The following TCERG1L variants were observed in gnomAD, a reference collection of about 807,000 sequenced individuals.
TCERG1L encodes transcription elongation regulator 1-like protein.
TCERG1L carries 37 observed loss-of-function variants against 56.3 expected under a neutral mutation model. That is an observed-to-expected ratio of 0.66 (90% CI 0.51 to 0.87). The LOEUF is 0.87. Ranked by LOEUF, TCERG1L falls within the 40% of genes least tolerant of loss-of-function variation. The pLI, the probability that TCERG1L is intolerant of heterozygous loss-of-function variation, is 0.00. For synonymous variants in TCERG1L, 324 were observed against 326.3 expected (o/e 0.99, Z 0.08); for missense variants, 799 against 774.2 (o/e 1.03, Z -0.38).
At chr10:131,289,812 G>A (rs1846591373) in intron 3 of TCERG1L, among the ~76,000 whole-genome samples, 1 of 49,944 alleles carries the variant, frequency 2.0e-5, no homozygotes, top group Admixed American at 2.3e-4. Flanking sequence ...GTGAGCAGGT[G>A]TGCACTGCCT....
At chr10:131,189,873 G>A (rs975584517) in intron 4 of TCERG1L, among the ~76,000 whole-genome samples, 4 of 151,804 alleles carry the variant, frequency 2.6e-5, no homozygotes, top group East Asian at 1.9e-4. Context: ...TAGCCACTCC[G>A]AAACAAGAAC....
chr10:131,097,613 C>T (rs933850569), intron 11 of TCERG1L, among the ~76,000 whole-genome samples: 1 of 152,218 alleles, frequency 6.6e-6, no homozygotes, highest in African/African-American at 2.4e-5. Flanking sequence ...TCCCAAAGTG[C>T]TGGGATTATA....
chr10:131,177,209 C>G (rs1262679703), intron 4 of TCERG1L, among the ~76,000 whole-genome samples: 1 of 152,176 alleles, frequency 6.6e-6, no homozygotes, highest in Non-Finnish European at 1.5e-5. Flanking sequence ...CATGCAGACA[C>G]AAGCACACAT....
rs1285879200 is a variant in TCERG1L, at chr10:131,192,288, A to G, written c.857-25403T>C. 4.8e-5 allele frequency among the ~76,000 whole-genome samples: 7 copies of G among 144,566 alleles called. 1 individual carries two copies. The highest frequency in any genetic ancestry group is 1.4e-4 in the Admixed American group (2 of 14,498). The allele number at this position is 144,566 out of a possible 152,430, so 94.8% of individuals were successfully genotyped here. On this transcript the variant is annotated intron_variant, in intron 4 of 11. Coordinates refer to ENST00000368642, the MANE Select transcript of TCERG1L (RefSeq NM_174937.4). ...CATGAAAAAATGCTTAACATAGTTA[A>G]TCATCAGACAACTGCAAATTAAAAC...
At chr10:131,239,887 A>C (rs1321001046) in intron 4 of TCERG1L, among the ~76,000 whole-genome samples, 1 of 152,190 alleles carries the variant, frequency 6.6e-6, no homozygotes, top group Admixed American at 6.5e-5. Flanking sequence ...GCCCCTAGAA[A>C]GGGTGCGGTG....
At chr10:131,131,245 C>T (rs1326968943) in intron 8 of TCERG1L, among the ~76,000 whole-genome samples, 1 of 152,092 alleles carries the variant, frequency 6.6e-6, no homozygotes, top group African/African-American at 2.4e-5. Flanking sequence ...CAGCAGAGAC[C>T]ACCACCCTGC....
At chr10:131,257,263 G>A (rs922715744) in intron 4 of TCERG1L, among the ~76,000 whole-genome samples, 1 of 152,088 alleles carries the variant, frequency 6.6e-6, no homozygotes, top group African/African-American at 2.4e-5. Context: ...TCCCCGTGAA[G>A]CAGAGGCCAA....
rs183268949 is a variant in TCERG1L, at chr10:131,218,551, T to C, written c.856+41708A>G. On this transcript the variant is annotated intron_variant, in intron 4 of 11. Coordinates refer to ENST00000368642, the MANE Select transcript of TCERG1L (RefSeq NM_174937.4). The stretch of plus-strand genomic sequence containing the variant: ...TCTTGTTGCCCAGGCTGGAGTGCAA[T>C]GGTGCGACCCTGGCTCACTGCAACC... Among the ~76,000 whole-genome samples, 150 of 152,284 alleles carry C rather than the reference T, an allele frequency of 9.9e-4. 2 individuals are homozygous for C. Among genetic ancestry groups the C allele is most frequent in the African/African-American group, 3.4e-3 (141 of 41,550 alleles).
intron 3 of TCERG1L, among the ~76,000 whole-genome samples, chr10:131,271,542 G>A (rs555586545): frequency 9.8e-5 from 15 of 152,374 alleles, no homozygotes; most frequent in South Asian, 6.2e-4. Flanking sequence ...CAAAAGGAGC[G>A]TGCTGGCGTC....
intron 9 of TCERG1L, among the ~76,000 whole-genome samples, chr10:131,107,161 C>T (rs561951750): frequency 1.1e-4 from 17 of 152,132 alleles, no homozygotes; most frequent in African/African-American, 1.4e-4. Context: ...CATCTGGGGC[C>T]GTTAGAGAAG....
intron 6 of TCERG1L, among the ~76,000 whole-genome samples, chr10:131,151,707 C>G (rs1200863720): frequency 6.6e-6 from 1 of 152,202 alleles, no homozygotes; most frequent in Non-Finnish European, 1.5e-5. Flanking sequence ...AGTAGAGACT[C>G]TGTGTGGGGG....
At chr10:131,172,687 C>T (rs1223414203) in intron 4 of TCERG1L, among the ~76,000 whole-genome samples, 1 of 152,208 alleles carries the variant, frequency 6.6e-6, no homozygotes, top group East Asian at 1.9e-4. Context: ...GTCCAGTCGC[C>T]TCCATTCTTG....
chr10:131,264,467 G>A (rs1846265848), intron 3 of TCERG1L, among the ~76,000 whole-genome samples: 1 of 152,230 alleles, frequency 6.6e-6, no homozygotes, highest in South Asian at 2.1e-4. Flanking sequence ...ATTTGCACCT[G>A]AGGAGTCGGG....
intron 4 of TCERG1L, among the ~76,000 whole-genome samples, chr10:131,197,536 A>G (rs116179669): frequency 0.045 from 6,852 of 152,172 alleles, 166 homozygotes; most frequent in Middle Eastern, 0.068. Context: ...GTACAAAGGT[A>G]CAAAACACAA....
At chr10:131,235,415 G>A (rs777059821) in intron 4 of TCERG1L, among the ~76,000 whole-genome samples, 5 of 152,178 alleles carry the variant, frequency 3.3e-5, no homozygotes, top group African/African-American at 4.8e-5. Context: ...AGGAAGAGGG[G>A]TGTCATTTTG....
chr10:131,281,157 C>T (rs1846447384), intron 3 of TCERG1L, among the ~76,000 whole-genome samples: 1 of 152,116 alleles, frequency 6.6e-6, no homozygotes, highest in African/African-American at 2.4e-5. Context: ...TTAAATTTCC[C>T]ACTTCTATTG....
chr10:131,216,016 G>GA (rs1196396144), intron 4 of TCERG1L, among the ~76,000 whole-genome samples: 1 of 152,128 alleles, frequency 6.6e-6, no homozygotes, highest in African/African-American at 2.4e-5. Context: ...CACAGGACCT[G>GA]ACCAGCCACA....
chr10:131,279,599 A>C (rs1846430497), intron 3 of TCERG1L, among the ~76,000 whole-genome samples: 1 of 152,216 alleles, frequency 6.6e-6, no homozygotes, highest in African/African-American at 2.4e-5. Flanking sequence ...GATGAAGAGA[A>C]GACCATGGGC....
At chr10:131,305,923 G>C (rs1489488618) in intron 3 of TCERG1L, among the ~76,000 whole-genome samples, 1 of 151,802 alleles carries the variant, frequency 6.6e-6, no homozygotes, top group African/African-American at 2.4e-5. Flanking sequence ...ATATATATTT[G>C]TGATACAAAT....
Sources: allele counts gnomAD v4.1 joint callset (sites outside exome capture counted in the v4.1 genomes callset), GRCh38; gene constraint gnomAD v4.1.1; transcripts MANE v1.5; gene names NCBI Gene and HGNC (gene_info 2026-07-23, HGNC 2026-07-21).